Variants in ROBO2 observed in about 807,000 individuals in gnomAD.
ROBO2 encodes the protein roundabout homolog 2.
A neutral mutation model predicts 160.8 loss-of-function variants in ROBO2; 53 were observed. The observed-to-expected ratio is 0.33, with a 90% CI of 0.26 to 0.41. The LOEUF is 0.41. ROBO2 is among the 10% of genes least tolerant of loss of function. The probability of loss-of-function intolerance (pLI) is 1.00; values close to 1 mark genes in which losing one functional copy is unlikely to be tolerated. For missense variants in ROBO2, 1,577 were observed against 1,722.4 expected (o/e 0.92, Z 1.49); for synonymous variants, 664 against 611.7 (o/e 1.09, Z -1.26).
chr3:76,967,720 G>C (rs950470693), intron 2 of ROBO2, among the ~76,000 whole-genome samples: 1 of 147,974 alleles, frequency 6.8e-6, no homozygotes, highest in East Asian at 2.1e-4. Flanking sequence ...TGTTGTTTTT[G>C]TTTTTGGAGA....
At chr3:76,782,281 A>G (rs746803146) in intron 2 of ROBO2, among the ~76,000 whole-genome samples, 1 of 150,710 alleles carries the variant, frequency 6.6e-6, no homozygotes. Flanking sequence ...GAAATCAGTT[A>G]AGACTTCTTT....
intron 2 of ROBO2, among the ~76,000 whole-genome samples, chr3:76,603,159 G>T (rs1418088946): frequency 6.6e-6 from 1 of 150,426 alleles, no homozygotes; most frequent in Non-Finnish European, 1.5e-5. Context: ...GTGAAACCCC[G>T]TCTCTACTAA....
intron 2 of ROBO2, among the ~76,000 whole-genome samples, chr3:76,283,136 G>GTATATATATATATATCTA: frequency 1.6e-5 from 1 of 63,538 alleles, no homozygotes; most frequent in African/African-American, 4.4e-5. Flanking sequence ...ATATAAAACT[G>GTATATATATATATATCTA]TATATATATA....
At chr3:76,429,669 T>C (rs554267450) in intron 2 of ROBO2, among the ~76,000 whole-genome samples, 154 of 152,242 alleles carry the variant, frequency 1.0e-3, no homozygotes, top group African/African-American at 3.5e-3. Context: ...GAGCTCTTAG[T>C]AGAACTGAGT....
chr3:76,286,130 T>A (rs1383170165), intron 2 of ROBO2, among the ~76,000 whole-genome samples: 1 of 152,160 alleles, frequency 6.6e-6, no homozygotes, highest in Non-Finnish European at 1.5e-5. Context: ...TGTGAATTAA[T>A]GAACAGATGG....
chr3:76,179,293 C>T (rs1701385421), intron 2 of ROBO2, among the ~76,000 whole-genome samples: 1 of 152,068 alleles, frequency 6.6e-6, no homozygotes, highest in Admixed American at 6.6e-5. Context: ...TCACAGTCTA[C>T]CTGAAGACTT....
intron 2 of ROBO2, among the ~76,000 whole-genome samples, chr3:76,548,431 CCT>C (rs1260246882): frequency 6.6e-6 from 1 of 151,928 alleles, no homozygotes; most frequent in Non-Finnish European, 1.5e-5. Context: ...CCAATGGCAC[CCT>C]GTCTTTGAGA....
intron 2 of ROBO2, among the ~76,000 whole-genome samples, chr3:77,415,438 T>C (rs1390283040): frequency 1.3e-5 from 2 of 152,154 alleles, no homozygotes; most frequent in East Asian, 3.9e-4. Flanking sequence ...TTGAAAACCA[T>C]TGTGTGTCCT....
intron 2 of ROBO2, among the ~76,000 whole-genome samples, chr3:75,981,101 T>A (rs1259638846): frequency 6.6e-6 from 1 of 151,548 alleles, no homozygotes; most frequent in African/African-American, 2.4e-5. Context: ...ACAGATTATA[T>A]TTGCCATAAT....
intron 2 of ROBO2, among the ~76,000 whole-genome samples, chr3:76,081,075 T>A (rs1054317255): frequency 6.6e-5 from 10 of 152,084 alleles, no homozygotes; most frequent in Admixed American, 3.3e-4. Flanking sequence ...GCATTAGCAA[T>A]CACTTTCAAG....
intron 16 of ROBO2, among the ~76,000 whole-genome samples, chr3:77,586,236 C>A (rs1372611035): frequency 6.6e-6 from 1 of 152,074 alleles, no homozygotes; most frequent in African/African-American, 2.4e-5. Context: ...AGATATATAT[C>A]CATTAAGCAG....
At chr3:76,718,225 G>A (rs2093412893) in intron 2 of ROBO2, among the ~76,000 whole-genome samples, 1 of 152,196 alleles carries the variant, frequency 6.6e-6, no homozygotes, top group Admixed American at 6.5e-5. Flanking sequence ...TGTCACAGAA[G>A]CACAGATGCA....
exon 26 of ROBO2, chr3:77,647,048 A>G (rs1400763039): frequency 1.3e-5 from 2 of 152,528 alleles, no homozygotes; most frequent in East Asian, 3.9e-4. Flanking sequence ...AACGAACAAA[A>G]TGAACTCTAG....
At chr3:76,464,783 T>C (rs1257586255) in intron 2 of ROBO2, among the ~76,000 whole-genome samples, 1 of 152,178 alleles carries the variant, frequency 6.6e-6, no homozygotes, top group Non-Finnish European at 1.5e-5. Context: ...TAAGGAATGA[T>C]GTACACATTC....
intron 2 of ROBO2, among the ~76,000 whole-genome samples, chr3:77,244,094 C>T (rs1455043664): frequency 2.6e-5 from 4 of 152,098 alleles, no homozygotes; most frequent in Admixed American, 2.0e-4. Flanking sequence ...TTATAATATA[C>T]GTAAGTGTTC....
At chr3:77,090,323 C>CTTTTTTTT (rs542280937) in intron 1 of ROBO2, among the ~76,000 whole-genome samples, 5 of 70,748 alleles carry the variant, frequency 7.1e-5, no homozygotes, top group African/African-American at 2.3e-4. Context: ...CTAAACCACT[C>CTTTTTTTT]TTTTTTTTTT....
intron 2 of ROBO2, among the ~76,000 whole-genome samples, chr3:77,455,592 C>G (rs561925806): frequency 7.9e-5 from 12 of 152,050 alleles, no homozygotes; most frequent in African/African-American, 2.9e-4. Context: ...CCACCACGCC[C>G]AGCTAATTTT....
intron 2 of ROBO2, among the ~76,000 whole-genome samples, chr3:77,342,187 T>C (rs985844130): frequency 3.3e-5 from 5 of 152,176 alleles, no homozygotes; most frequent in African/African-American, 1.2e-4. Flanking sequence ...GCACCTCAGA[T>C]AGAAGCAGCA....
chr3:76,244,384 A>T (rs187912814), intron 2 of ROBO2, among the ~76,000 whole-genome samples: 2 of 152,244 alleles, frequency 1.3e-5, no homozygotes, highest in East Asian at 3.9e-4. Context: ...TATCTTTCCA[A>T]CCAACTTCCT....
Sources: gnomAD v4.1 joint callset for allele counts (sites outside exome capture counted in the v4.1 genomes callset) on GRCh38, gnomAD v4.1.1 for gene constraint, MANE v1.5 for transcripts, NCBI Gene and HGNC (gene_info 2026-07-23, HGNC 2026-07-21) for gene names.